Variants in LAMA3 observed in about 807,000 individuals in gnomAD.
LAMA3 encodes the protein laminin subunit alpha-3.
A neutral mutation model predicts 402.0 loss-of-function variants in LAMA3; 281 were observed. The observed-to-expected ratio is 0.70, with a 90% CI of 0.63 to 0.77. The LOEUF is 0.77. Ranked by LOEUF, LAMA3 falls within the 30% of genes least tolerant of loss-of-function variation. The probability of loss-of-function intolerance (pLI) is 0.00; values close to 1 mark genes in which losing one functional copy is unlikely to be tolerated. For missense variants in LAMA3, 3,840 were observed against 4,215.5 expected (o/e 0.91, Z 2.47); for synonymous variants, 1,431 against 1,558.4 (o/e 0.92, Z 1.93).
At chr18:23,900,171 A>G (rs2081022041) in intron 47 of LAMA3, among the ~76,000 whole-genome samples, 1 of 152,008 alleles carries the variant, frequency 6.6e-6, no homozygotes, top group African/African-American at 2.4e-5. Flanking sequence ...CCTGAGTTCA[A>G]GCGGTTCTCA....
At chr18:23,861,986 G>A (rs1036820470) in intron 35 of LAMA3, among the ~76,000 whole-genome samples, 179 bp downstream of exon 35, 2 of 152,212 alleles carry the variant, frequency 1.3e-5, no homozygotes, top group East Asian at 3.8e-4. Context: ...GGCTGAGCAG[G>A]CACACACTGC....
intron 2 of LAMA3, among the ~76,000 whole-genome samples, chr18:23,716,411 G>A (rs748182708): frequency 6.6e-6 from 1 of 152,076 alleles, no homozygotes; most frequent in Non-Finnish European, 1.5e-5. Context: ...CGCCCACCTA[G>A]GCCTCCCAAA....
Position 23,905,541 on chromosome 18 carries a change from T to C in LAMA3, c.6635T>C (p.Leu2212Pro). The C allele has an allele frequency of 6.2e-7, 1 of 1,606,320 alleles. No homozygotes were observed. Among genetic ancestry groups the C allele is most frequent in the Non-Finnish European group, 8.5e-7 (1 of 1,173,370 alleles). ...SALQTVIKEDLPRKAKTLSSN... is the reference protein window; with the variant it reads ...SALQTVIKEDPPRKAKTLSSN... ...TTTCAGACAGTGATAAAGGAAGATC[T>C]GCCAAGAAAAGCTAAAACCCTGAGT... The change falls in exon 52 of 75, where the codon CTG (leucine) becomes CCG (proline). Residue 2212 changes from leucine to proline, a missense_variant. By Grantham distance (98) the Leu-to-Pro change is moderately conservative (BLOSUM62 -3). This residue lies in a region of LAMA3 where 891 missense variants were observed against 857.5 expected (regional missense o/e 1.04). Coordinates refer to ENST00000313654, the MANE Select transcript of LAMA3 (RefSeq NM_198129.4).
intron 9 of LAMA3, among the ~76,000 whole-genome samples, chr18:23,775,584 G>A (rs2062298404): frequency 6.6e-6 from 1 of 151,910 alleles, no homozygotes; most frequent in South Asian, 2.1e-4. Context: ...CTGTGTGGAC[G>A]CTCATTACAG....
Position 23,889,994 on chromosome 18 carries a change from C to G in LAMA3, c.5304-17C>G. On this transcript the variant is annotated splice_polypyrimidine_tract_variant and intron_variant, in intron 41 of 74. Coordinates refer to ENST00000313654, the MANE Select transcript of LAMA3 (RefSeq NM_198129.4). ...GAGTTATTTGGGTGTTTCTCCTCCT[C>G]TCTATATTTTGTGTAGGTGTGCACC... The G allele has an allele frequency of 3.8e-6, 6 of 1,582,394 alleles. No homozygotes were observed. Among genetic ancestry groups the G allele is most frequent in the South Asian group, 1.1e-5 (1 of 90,404 alleles).
chr18:23,931,627 C>T (rs2082166333), intron 65 of LAMA3: 1 of 202,410 alleles, frequency 4.9e-6, no homozygotes, highest in African/African-American at 2.4e-5. Flanking sequence ...TATGTAATGA[C>T]ATGAATGACC....
At chr18:23,933,096 T>C (rs563512902) in intron 66 of LAMA3, among the ~76,000 whole-genome samples, 2 of 152,220 alleles carry the variant, frequency 1.3e-5, no homozygotes, top group African/African-American at 2.4e-5. Context: ...AAGACTTTCC[T>C]CCTCATAGTC....
intron 2 of LAMA3, among the ~76,000 whole-genome samples, chr18:23,746,007 T>C (rs1416943429): frequency 6.6e-6 from 1 of 152,238 alleles, no homozygotes; most frequent in Non-Finnish European, 1.5e-5. Context: ...GGATTTCCTA[T>C]GAATTCCTTC....
chr18:23,953,921 T>C (rs1336061202), intron 74 of LAMA3, among the ~76,000 whole-genome samples: 2 of 152,212 alleles, frequency 1.3e-5, no homozygotes, highest in South Asian at 2.1e-4. Flanking sequence ...GTTAATTGTA[T>C]AGGTCTTTCA....
At chr18:23,950,691 T>A (rs368039744) in intron 72 of LAMA3, among the ~76,000 whole-genome samples, 8 of 152,236 alleles carry the variant, frequency 5.3e-5, no homozygotes, top group Non-Finnish European at 8.8e-5. Flanking sequence ...AAGATTGATA[T>A]AATATGCCAT....
chr18:23,726,709 T>C (rs1414736623), intron 2 of LAMA3, among the ~76,000 whole-genome samples: 1 of 152,030 alleles, frequency 6.6e-6, no homozygotes, highest in African/African-American at 2.4e-5. Context: ...CCTCTGCCTC[T>C]CAGGTTCAAG....
intron 58 of LAMA3, 88 bp downstream of exon 58, chr18:23,914,948 T>C (rs1395799769): frequency 1.1e-5 from 12 of 1,113,534 alleles, no homozygotes; most frequent in Admixed American, 9.5e-5. Flanking sequence ...GTTAATTACA[T>C]ATAAAATGGA....
intron 60 of LAMA3, among the ~76,000 whole-genome samples, chr18:23,919,312 CA>C (rs2081749976): frequency 6.6e-6 from 1 of 152,164 alleles, no homozygotes; most frequent in Non-Finnish European, 1.5e-5. Context: ...TGTGTAAAAG[CA>C]AAGCCTTCAA....
chr18:23,827,338 A>G lies in LAMA3; in HGVS notation c.2694A>G (p.Pro898=), dbSNP rs1210897259. 2.5e-6 allele frequency: 4 copies of G among 1,614,206 alleles called. No homozygotes were observed. Among genetic ancestry groups the G allele is most frequent in the Non-Finnish European group, 3.4e-6 (4 of 1,180,032 alleles). ...GTTGCTTACTCTACCAGCATTTGCCAGTGACCAGATTCCCCTGTACCCTGG... is the reference window on the plus strand; with the variant it reads ...GTTGCTTACTCTACCAGCATTTGCCGGTGACCAGATTCCCCTGTACCCTGG... ...QENCLLYQHL[P]VTRFPCTLAC... is the part of the protein sequence containing the mutation. The change falls in exon 23 of 75, where the codon CCA becomes CCG. Residue 898 remains proline (P), a synonymous_variant. Coordinates refer to ENST00000313654, the MANE Select transcript of LAMA3 (RefSeq NM_198129.4).
intron 12 of LAMA3, among the ~76,000 whole-genome samples, chr18:23,796,313 C>A (rs2062762395): frequency 6.6e-6 from 1 of 152,220 alleles, no homozygotes; most frequent in Non-Finnish European, 1.5e-5. Flanking sequence ...GAATTCAGTG[C>A]TCTGACTGGC....
chr18:23,899,825 A>G (rs530511432), intron 47 of LAMA3: 249 of 228,678 alleles, frequency 1.1e-3, no homozygotes, highest in African/African-American at 5.5e-3. Flanking sequence ...ACAAATTGAT[A>G]TTAGCACTAC....
At chr18:23,765,807 A>G (rs1190858815) in intron 8 of LAMA3, among the ~76,000 whole-genome samples, 4 of 152,218 alleles carry the variant, frequency 2.6e-5, no homozygotes, top group Non-Finnish European at 4.4e-5. Context: ...AAAAAATGCA[A>G]TATGTTAAAT....
intron 44 of LAMA3, among the ~76,000 whole-genome samples, chr18:23,897,562 A>G (rs1568313427): frequency 6.6e-6 from 1 of 152,156 alleles, no homozygotes; most frequent in Non-Finnish European, 1.5e-5. Context: ...TGTTGTTCTC[A>G]TTAAACAGGC....
Position 23,871,748 on chromosome 18 carries a change from G to A in LAMA3, c.4998+87G>A, listed in dbSNP as rs541791552. ...TGTCCAGCACTGTGGGATGGTTTGG[G>A]GCCCTCTGTCTATTGTTTCTCTGTT... On this transcript the variant is annotated intron_variant, in intron 38 of 74. Transcript: ENST00000313654. 2.1e-4 allele frequency: 215 copies of A among 1,025,144 alleles called. 2 individuals carry two copies. The South Asian group carries it at 2.8e-3, about 13-fold the overall frequency. 63.5% of individuals were successfully genotyped at this position (1,025,144 alleles called of 1,614,324 possible).
Sources: gnomAD v4.1 joint callset for allele counts (sites outside exome capture counted in the v4.1 genomes callset) on GRCh38, gnomAD v4.1.1 for gene constraint, gnomAD v4.1.1 regional missense constraint, MANE v1.5 for transcripts, NCBI Gene and HGNC (gene_info 2026-07-23, HGNC 2026-07-21) for gene names.